Variants in RGS8 observed in about 807,000 individuals in gnomAD.
The protein encoded by RGS8 is regulator of G protein signaling 8, also known as regulator of G-protein signaling 8.
A neutral mutation model predicts 21.7 loss-of-function variants in RGS8; 8 were observed. The ratio of observed to expected loss-of-function variants is 0.37; its 90% CI spans 0.22 to 0.66. The LOEUF (loss-of-function observed/expected upper bound fraction) is 0.66, where lower values mean the gene tolerates loss of function less well. Ranked by LOEUF, RGS8 falls within the 30% of genes least tolerant of loss-of-function variation. The pLI is 0.59. For synonymous variants in RGS8, 80 were observed against 83.6 expected (o/e 0.96, Z 0.24); for missense variants, 157 against 217.9 (o/e 0.72, Z 1.76).
chr1:182,643,072 A>G (rs537810927), downstream of RGS8: 1 of 152,396 alleles, frequency 6.6e-6, no homozygotes, highest in African/African-American at 2.4e-5. Flanking sequence ...AGGACTCAGA[A>G]AGCATGGCAG....
the RGS8 span, among the ~76,000 whole-genome samples, chr1:182,701,579 C>G: frequency 6.6e-6 from 1 of 152,186 alleles, no homozygotes; most frequent in Non-Finnish European, 1.5e-5. Flanking sequence ...AAGGTAGGCA[C>G]TACTGGGAGA....
intron 1 of RGS8, among the ~76,000 whole-genome samples, chr1:182,682,085 A>G (rs1311113643): frequency 2.0e-5 from 3 of 152,270 alleles, no homozygotes; most frequent in Non-Finnish European, 4.4e-5. Flanking sequence ...AGAAGAAACC[A>G]GAAAGCATAA....
chr1:182,703,026 C>T, the RGS8 span, among the ~76,000 whole-genome samples: 2 of 152,324 alleles, frequency 1.3e-5, no homozygotes, highest in South Asian at 4.1e-4. Context: ...CTCACCCTCT[C>T]ATTTATTTAC....
chr1:182,703,491 G>A, the RGS8 span, among the ~76,000 whole-genome samples: 1 of 152,174 alleles, frequency 6.6e-6, no homozygotes, highest in Non-Finnish European at 1.5e-5. Flanking sequence ...ATATCCTTTT[G>A]TTTTTGTGTC....
At chr1:182,692,784 T>C in the RGS8 span, among the ~76,000 whole-genome samples, 7 of 146,170 alleles carry the variant, frequency 4.8e-5, no homozygotes, top group Middle Eastern at 3.2e-3. Flanking sequence ...AATAGACACA[T>C]AGACCAATAG....
rs536379104 is a variant in RGS8, at chr1:182,652,028, C to T, written c.194-3725G>A. Among the ~76,000 whole-genome samples the T allele has an allele frequency of 2.6e-5, 4 of 152,314 alleles. No individual in the cohort carries two copies. In the East Asian group the frequency reaches 5.8e-4, roughly 22 times the overall value. ...TGCCTCCATCTTACCACATTTTCCA[C>T]TGTATTCAGTGAATGAGGAGGAGAA... On this transcript the variant is annotated intron_variant, in intron 5 of 6. Coordinates refer to ENST00000483095, the Ensembl canonical transcript of RGS8.
chr1:182,734,786 T>C, the RGS8 span: 1 of 152,206 alleles, frequency 6.6e-6, no homozygotes, highest in Admixed American at 6.5e-5. Flanking sequence ...AATCACTTAG[T>C]GTCCAGTCAA....
the RGS8 span, among the ~76,000 whole-genome samples, chr1:182,746,878 G>A: frequency 6.6e-6 from 1 of 151,768 alleles, no homozygotes; most frequent in Non-Finnish European, 1.5e-5. Context: ...TGCATCAGAT[G>A]CTCTGACCTG....
At chr1:182,650,094 TAGAG>T (rs1662931975) in intron 5 of RGS8, among the ~76,000 whole-genome samples, 1 of 149,584 alleles carries the variant, frequency 6.7e-6, no homozygotes, top group African/African-American at 2.6e-5. Context: ...GTACTTTTAA[TAGAG>T]ACAGGGTTTC....
Position 182,669,495 on chromosome 1 carries a change from G to A in RGS8, c.26+129C>T, listed in dbSNP as rs1664044640. The A allele has an allele frequency of 4.4e-6, 6 of 1,355,710 alleles. No homozygotes were observed. In the Admixed American group the frequency reaches 5.3e-5, roughly 12 times the overall value. The allele number at this position is 1,355,710 out of a possible 1,614,324, so 84.0% of individuals were successfully genotyped here. A position where few individuals can be genotyped will look rare whatever the true frequency, so the allele number is the denominator to read the frequency against. The stretch of plus-strand genomic sequence containing the variant: ...CGTGCAGTTCACACAGGAGGCCTAT[G>A]GGGACAGATGAAAGTAGACCACGCA... On this transcript the variant is annotated intron_variant, in intron 3 of 6. Coordinates refer to ENST00000483095, the Ensembl canonical transcript of RGS8.
chr1:182,671,927 A>G (rs1664183688), exon 1 of RGS8: 2 of 1,441,966 alleles, frequency 1.4e-6, no homozygotes, highest in Non-Finnish European at 9.1e-7. Context: ...TAAATACTGA[A>G]GCAGCCTACA....
chr1:182,690,439 C>T, the RGS8 span, among the ~76,000 whole-genome samples: 16 of 152,212 alleles, frequency 1.1e-4, no homozygotes, highest in African/African-American at 3.6e-4. Flanking sequence ...AGTTGTACCT[C>T]TCACCCTAGG....
chr1:182,646,048 AC>A (rs1662689352), downstream of RGS8: 1 of 152,240 alleles, frequency 6.6e-6, no homozygotes, highest in Non-Finnish European at 1.5e-5. Context: ...GTCATGAAGA[AC>A]ATCACCCAAG....
chr1:182,721,807 C>T, the RGS8 span, among the ~76,000 whole-genome samples: 5 of 152,144 alleles, frequency 3.3e-5, no homozygotes, highest in East Asian at 9.6e-4. Flanking sequence ...ATGTGTGTAG[C>T]AGAGGAGAAA....
At chr1:182,736,026 C>T in the RGS8 span, among the ~76,000 whole-genome samples, 1 of 152,178 alleles carries the variant, frequency 6.6e-6, no homozygotes, top group Admixed American at 6.5e-5. Flanking sequence ...CCACCTATAC[C>T]ATTGCTTACT....
chr1:182,680,085 C>T (rs1255815574), intron 1 of RGS8, among the ~76,000 whole-genome samples: 1 of 152,150 alleles, frequency 6.6e-6, no homozygotes, highest in African/African-American at 2.4e-5. Flanking sequence ...GGTTCACGTC[C>T]TCACAGTCTC....
intron 5 of RGS8, among the ~76,000 whole-genome samples, chr1:182,655,519 T>C (rs1663232535): frequency 6.6e-6 from 1 of 152,176 alleles, no homozygotes; most frequent in African/African-American, 2.4e-5. Flanking sequence ...AGATGTGTGG[T>C]GAACTCATAG....
At chr1:182,649,860 T>C (rs1303464625) in intron 5 of RGS8, among the ~76,000 whole-genome samples, 1 of 152,112 alleles carries the variant, frequency 6.6e-6, no homozygotes, top group Non-Finnish European at 1.5e-5. Flanking sequence ...AATAATCTTT[T>C]ATTTCTTTTC....
chr1:182,735,517 A>T, the RGS8 span, among the ~76,000 whole-genome samples: 1 of 152,202 alleles, frequency 6.6e-6, no homozygotes, highest in Non-Finnish European at 1.5e-5. Flanking sequence ...ATCTGATGAG[A>T]TCAGGGTGGG....
Sources: gnomAD v4.1 joint callset for allele counts (sites outside exome capture counted in the v4.1 genomes callset) on GRCh38, gnomAD v4.1.1 for gene constraint, MANE v1.5 for transcripts, NCBI Gene and HGNC (gene_info 2026-07-23, HGNC 2026-07-21) for gene names.